ASCC1: variants seen among roughly 807,000 people sequenced by gnomAD.
The protein encoded by ASCC1 is activating signal cointegrator 1 complex subunit 1, also known as ASC-1 complex subunit P50.
Under a neutral mutation model 46.6 loss-of-function variants are expected in ASCC1, and 35 were observed. The observed-to-expected ratio is 0.75, with a 90% CI of 0.57 to 0.99. The LOEUF (loss-of-function observed/expected upper bound fraction) is 0.99. ASCC1 is among the 50% of genes least tolerant of loss of function. The pLI, the probability that ASCC1 is intolerant of heterozygous loss-of-function variation, is 0.00. For synonymous variants in ASCC1, 143 were observed against 146.6 expected, an observed-to-expected ratio of 0.98 and a Z score of 0.18; for missense variants, 376 against 428.7, an observed-to-expected ratio of 0.88 and a Z score of 1.09.
chr10:72,098,916 A>T (rs1222558188), intron 9 of ASCC1, among the ~76,000 whole-genome samples: 1 of 152,210 alleles, frequency 6.6e-6, no homozygotes, highest in Non-Finnish European at 1.5e-5. Flanking sequence ...TTCAGCCTGA[A>T]ATGGTTATCT....
intron 7 of ASCC1, among the ~76,000 whole-genome samples, chr10:72,139,443 T>A (rs946788380): frequency 6.6e-6 from 1 of 152,196 alleles, no homozygotes; most frequent in Non-Finnish European, 1.5e-5. Flanking sequence ...TTTCAATTCT[T>A]ATTTCATTGA....
At chr10:72,119,893 G>C (rs991191051) in intron 9 of ASCC1, among the ~76,000 whole-genome samples, 1 of 152,226 alleles carries the variant, frequency 6.6e-6, no homozygotes, top group East Asian at 1.9e-4. Flanking sequence ...AATGCAGGCA[G>C]AGAGATGGAA....
intron 5 of ASCC1, among the ~76,000 whole-genome samples, chr10:72,194,462 T>C (rs1329595148): frequency 3.3e-5 from 5 of 151,812 alleles, no homozygotes; most frequent in Admixed American, 6.6e-5. Flanking sequence ...TAAAGTGCTA[T>C]AAGATTTCCT....
At chr10:72,176,379 G>A (rs113021353) in intron 5 of ASCC1, among the ~76,000 whole-genome samples, 8 of 152,210 alleles carry the variant, frequency 5.3e-5, no homozygotes, top group Non-Finnish European at 1.0e-4. Flanking sequence ...GTCTCGCTCT[G>A]TCACCCAGGC....
chr10:72,097,670 T>A (rs1166119162), intron 9 of ASCC1, among the ~76,000 whole-genome samples: 1 of 152,078 alleles, frequency 6.6e-6, no homozygotes, highest in African/African-American at 2.4e-5. Context: ...AATTCTAAAG[T>A]CTCCCCTGAC....
chr10:72,108,357 G>A (rs1052552350), intron 9 of ASCC1, among the ~76,000 whole-genome samples: 2 of 152,052 alleles, frequency 1.3e-5, no homozygotes, highest in African/African-American at 4.8e-5. Context: ...GATTACAGGC[G>A]TGAGCCACCA....
intron 9 of ASCC1, among the ~76,000 whole-genome samples, chr10:72,107,312 C>A (rs55725431): frequency 0.4 from 57,962 of 146,538 alleles, 11,795 homozygotes; most frequent in Middle Eastern, 0.49. Context: ...ACCCCCCCCC[C>A]AAAAAAATAA....
chr10:72,196,918 G>A lies in ASCC1; in HGVS notation c.382C>T (p.Arg128Ter), dbSNP rs183415577. ...AAGTGAGTGAAGGGCTGCTTTCTTC[G>A]AAAAGTGTCCAAAAGAACATCAATC... is the stretch of plus-strand genomic sequence containing the variant. ...TRIDVLLDTFRRKQPFTHFLA... is the reference protein window; with the variant it reads ...TRIDVLLDTF The change falls in exon 5 of 10, where the codon CGA becomes TGA. Residue 128 changes from arginine (R) to a stop codon, truncating the protein, a stop_gained. Coordinates refer to ENST00000672957, the MANE Select transcript of ASCC1 (RefSeq NM_001198800.3). LOFTEE classifies it high-confidence loss of function. 57 of 1,613,546 alleles carry A rather than the reference G, an allele frequency of 3.5e-5. No homozygotes were observed. Among genetic ancestry groups the A allele is most frequent in the African/African-American group, 8.0e-5 (6 of 74,988 alleles).
intron 9 of ASCC1, chr10:72,102,360 T>C: frequency 1.3e-6 from 2 of 1,550,232 alleles, no homozygotes; most frequent in Non-Finnish European, 1.7e-6. Context: ...TCCCAAGCCC[T>C]TCTCGATTCT....
chr10:72,115,344 G>C lies in ASCC1; in HGVS notation c.957+12738C>G, dbSNP rs969008025. ...TCTGAACAATCAAAGTAGGGAGAGG[G>C]GGGTAGCTGAGAGATGGAGAGAGCT... is the stretch of plus-strand genomic sequence containing the variant. On this transcript the variant is annotated intron_variant, in intron 9 of 9. Coordinates refer to ENST00000672957, the MANE Select transcript of ASCC1 (RefSeq NM_001198800.3). 6.6e-5 allele frequency among the ~76,000 whole-genome samples: 10 copies of C among 152,162 alleles called. No homozygotes were observed. The East Asian group carries it at 9.6e-4, about 15-fold the overall frequency.
chr10:72,213,855 T>G (rs999145756), intron 1 of ASCC1, among the ~76,000 whole-genome samples: 1 of 150,726 alleles, frequency 6.6e-6, no homozygotes, highest in African/African-American at 2.4e-5. Flanking sequence ...CTGACCAACA[T>G]AGTGAAACCC....
intron 5 of ASCC1, among the ~76,000 whole-genome samples, chr10:72,173,566 T>A (rs887991964): frequency 6.6e-6 from 1 of 152,192 alleles, no homozygotes; most frequent in Non-Finnish European, 1.5e-5. Context: ...CTATATAATT[T>A]ACAAGTAACT....
At chr10:72,213,491 T>C in intron 1 of ASCC1, 160 bp from the exon 2 acceptor site, 1 of 588,280 alleles carries the variant, frequency 1.7e-6, no homozygotes. Flanking sequence ...TGTAAACCAG[T>C]TTAGGTTAAT....
intron 1 of ASCC1, chr10:72,215,706 T>C (rs1173572430): frequency 6.6e-6 from 1 of 152,072 alleles, no homozygotes; most frequent in Non-Finnish European, 1.5e-5. Flanking sequence ...AGACAGCAAA[T>C]GCAGCATCTA....
intron 5 of ASCC1, among the ~76,000 whole-genome samples, chr10:72,170,274 T>C (rs1850900357): frequency 6.6e-6 from 1 of 151,906 alleles, no homozygotes; most frequent in Admixed American, 6.6e-5. Context: ...TATAAAGAAA[T>C]TAATCAACAC....
intron 5 of ASCC1, among the ~76,000 whole-genome samples, chr10:72,169,204 C>T (rs966785245): frequency 6.6e-6 from 1 of 152,196 alleles, no homozygotes; most frequent in Non-Finnish European, 1.5e-5. Context: ...AATCCCAGCA[C>T]TTTGGGAGGT....
intron 9 of ASCC1, among the ~76,000 whole-genome samples, chr10:72,114,259 GAT>G (rs1378805912): frequency 2.2e-4 from 34 of 152,208 alleles, no homozygotes; most frequent in African/African-American, 8.0e-4. Flanking sequence ...GAACTTGAAA[GAT>G]TGTGAGTATG....
intron 3 of ASCC1, among the ~76,000 whole-genome samples, chr10:72,209,080 A>T (rs1161128628): frequency 1.3e-5 from 2 of 151,566 alleles, no homozygotes; most frequent in African/African-American, 4.8e-5. Flanking sequence ...TGGGAGGATC[A>T]CTTGAGCCCA....
chr10:72,172,363 C>T (rs1048137743), intron 5 of ASCC1, among the ~76,000 whole-genome samples: 1 of 120,748 alleles, frequency 8.3e-6, no homozygotes, highest in African/African-American at 3.2e-5. Flanking sequence ...TGCAGTGAGC[C>T]AAGATTGCAC....
Sources: gnomAD v4.1 joint callset for allele counts (sites outside exome capture counted in the v4.1 genomes callset) on GRCh38, gnomAD v4.1.1 for gene constraint, MANE v1.5 for transcripts, NCBI Gene and HGNC (gene_info 2026-07-23, HGNC 2026-07-21) for gene names.